ZNF704: variants seen among roughly 807,000 people sequenced by gnomAD.
ZNF704 encodes glucocorticoid induced gene 1.
ZNF704 carries 10 observed loss-of-function variants against 44.7 expected under a neutral mutation model. The observed-to-expected ratio is 0.22, with a 90% CI of 0.14 to 0.38. The LOEUF (loss-of-function observed/expected upper bound fraction) is 0.38. Ranked by LOEUF, ZNF704 falls within the 10% of genes least tolerant of loss-of-function variation. The pLI is 1.00. For synonymous variants in ZNF704, 211 were observed against 207.6 expected, an observed-to-expected ratio of 1.02 and a Z score of -0.14; for missense variants, 390 against 545.5, an observed-to-expected ratio of 0.71 and a Z score of 2.84.
At chr8:80,649,822 T>C (rs1817887973) in intron 7 of ZNF704, among the ~76,000 whole-genome samples, 1 of 152,198 alleles carries the variant, frequency 6.6e-6, no homozygotes, top group South Asian at 2.1e-4. Flanking sequence ...GCAGTGATTC[T>C]CCCAGCACGC....
chr8:80,742,323 CAT>C (rs889410313), intron 2 of ZNF704, among the ~76,000 whole-genome samples: 4 of 152,178 alleles, frequency 2.6e-5, no homozygotes, highest in Non-Finnish European at 5.9e-5. Flanking sequence ...CTCACGAGGA[CAT>C]AGTTTCCTCC....
intron 1 of ZNF704, among the ~76,000 whole-genome samples, chr8:80,866,716 G>A (rs867673652): frequency 1.2e-4 from 18 of 149,348 alleles, no homozygotes; most frequent in African/African-American, 4.4e-4. Flanking sequence ...CCCCTCTTGC[G>A]GGGTTGGGGG....
chr8:80,853,853 C>T (rs1305757416), intron 1 of ZNF704, among the ~76,000 whole-genome samples: 3 of 152,088 alleles, frequency 2.0e-5, no homozygotes, highest in South Asian at 2.1e-4. Flanking sequence ...AAGGGCAATG[C>T]TGATGGCCTG....
Position 80,634,787 on chromosome 8 carries a change from G to C in ZNF704, c.*6579C>G, listed in dbSNP as rs1215347526. The C allele has an allele frequency of 6.6e-6, 1 of 152,186 alleles. No homozygotes were observed. Among genetic ancestry groups the C allele is most frequent in the Admixed American group, 6.5e-5 (1 of 15,278 alleles). The allele number at this position is 152,186 out of a possible 1,614,324, so 9.4% of individuals were successfully genotyped here. A position where few individuals can be genotyped will look rare whatever the true frequency, so the allele number is the denominator to read the frequency against. On this transcript the variant is annotated 3_prime_UTR_variant, in exon 9 of 9. Coordinates refer to ENST00000327835, the MANE Select transcript of ZNF704 (RefSeq NM_001033723.3). The stretch of plus-strand genomic sequence containing the variant: ...TGGTCCTTCTGAGGCACTGACATTT[G>C]CAACCTCTCCTATATAGAATTAGGA...
intron 2 of ZNF704, among the ~76,000 whole-genome samples, chr8:80,811,253 A>T (rs1808076590): frequency 6.6e-6 from 1 of 152,200 alleles, no homozygotes; most frequent in African/African-American, 2.4e-5. Flanking sequence ...ATGACTTTTT[A>T]TATTGACATA....
chr8:80,814,509 G>A (rs186243786), intron 2 of ZNF704, among the ~76,000 whole-genome samples: 242 of 152,282 alleles, frequency 1.6e-3, no homozygotes, highest in Non-Finnish European at 2.7e-3. Context: ...CTGAATTACT[G>A]AAATGATGGG....
At chr8:80,681,968 C>A (rs550915195) in intron 4 of ZNF704, among the ~76,000 whole-genome samples, 4 of 152,326 alleles carry the variant, frequency 2.6e-5, no homozygotes, top group African/African-American at 7.2e-5. Flanking sequence ...CAGCTCCCTG[C>A]CCTGGCTGAC....
chr8:80,872,532 ACT>A lies in ZNF704; in HGVS notation c.-22+2037_-22+2038del, dbSNP rs1491501065. Among the ~76,000 whole-genome samples the A allele has an allele frequency of 9.2e-5, 14 of 151,964 alleles. No individual in the cohort carries two copies. The South Asian group carries it at 1.5e-3, about 16-fold the overall frequency. On this transcript the variant is annotated intron_variant, in intron 1 of 8. Coordinates refer to ENST00000327835, the MANE Select transcript of ZNF704 (RefSeq NM_001033723.3). Reference sequence around the variant, plus strand: ...CCTGAAATACCAATACCTTCTGAAAACTCTGGTAAAATGTTATTCAGCTGATT... The same window carrying A: ...CCTGAAATACCAATACCTTCTGAAAACTGGTAAAATGTTATTCAGCTGATT...
At chr8:80,667,191 G>C (rs1818208822) in intron 5 of ZNF704, among the ~76,000 whole-genome samples, 1 of 152,192 alleles carries the variant, frequency 6.6e-6, no homozygotes, top group Admixed American at 6.5e-5. Flanking sequence ...GGAGTGACGG[G>C]AGGAGTGAGA....
chr8:80,726,776 G>A (rs1281817130), intron 2 of ZNF704, among the ~76,000 whole-genome samples: 1 of 151,834 alleles, frequency 6.6e-6, no homozygotes, highest in South Asian at 2.1e-4. Flanking sequence ...TTCCTTGAAA[G>A]TACATCATCT....
At chr8:80,808,426 C>T (rs1005441597) in intron 2 of ZNF704, among the ~76,000 whole-genome samples, 3 of 152,206 alleles carry the variant, frequency 2.0e-5, no homozygotes, top group African/African-American at 7.2e-5. Flanking sequence ...TTTGTAGCAA[C>T]ATCAACTCCA....
chr8:80,736,712 G>A (rs1806672776), intron 2 of ZNF704, among the ~76,000 whole-genome samples: 1 of 152,132 alleles, frequency 6.6e-6, no homozygotes, highest in Admixed American at 6.6e-5. Flanking sequence ...TGGGAGGAGG[G>A]TAAGGGATAA....
intron 2 of ZNF704, chr8:80,749,709 C>T (rs1289774484): frequency 6.5e-6 from 1 of 153,086 alleles, no homozygotes; most frequent in East Asian, 1.9e-4. Flanking sequence ...TTTACTCACA[C>T]TTTTAATGCA....
Position 80,643,076 on chromosome 8 carries a change from G to C in ZNF704, c.1086C>G (p.His362Gln). 1 of 1,605,606 alleles carries C rather than the reference G, an allele frequency of 6.2e-7. No individual in the cohort carries two copies. Among genetic ancestry groups the C allele is most frequent in the Non-Finnish European group, 8.5e-7 (1 of 1,176,082 alleles). Reference sequence around the variant, plus strand: ...CTCTGGGTGGGGAGGACAGGACCGTGTGCGCATGCTGTCTCTGCTCTCCTG... The same window carrying C: ...CTCTGGGTGGGGAGGACAGGACCGTCTGCGCATGCTGTCTCTGCTCTCCTG... ...VGTGEQRQHA[H>Q]TVLSSPPRGT... The change falls in exon 8 of 9, where the codon CAC (histidine) becomes CAG (glutamine). Residue 362 changes from histidine (H) to glutamine (Q), a missense_variant. Around this residue, in one of 3 missense-constraint regions of ZNF704, gnomAD observed 305 missense variants for 435.7 expected, o/e 0.70. Transcript: ENST00000327835.
At chr8:80,763,148 G>C (rs530370266) in intron 2 of ZNF704, among the ~76,000 whole-genome samples, 1 of 152,292 alleles carries the variant, frequency 6.6e-6, no homozygotes, top group East Asian at 1.9e-4. Context: ...CCAGCTGTTG[G>C]TGGATCTACC....
chr8:80,808,282 GT>G (rs914457673), intron 2 of ZNF704, among the ~76,000 whole-genome samples: 2 of 152,130 alleles, frequency 1.3e-5, no homozygotes, highest in Admixed American at 6.6e-5. Flanking sequence ...TAGAAAGATT[GT>G]TTTTTTCAGT....
intron 1 of ZNF704, among the ~76,000 whole-genome samples, chr8:80,833,763 T>C (rs933617906): frequency 6.6e-6 from 1 of 152,158 alleles, no homozygotes; most frequent in Non-Finnish European, 1.5e-5. Context: ...CCTATGTACA[T>C]GGTAAATCAA....
intron 1 of ZNF704, among the ~76,000 whole-genome samples, chr8:80,860,293 T>C (rs776007371): frequency 1.3e-5 from 2 of 152,176 alleles, no homozygotes; most frequent in African/African-American, 4.8e-5. Flanking sequence ...ACCTACCTCA[T>C]TGACCGCTGT....
intron 1 of ZNF704, among the ~76,000 whole-genome samples, chr8:80,852,790 T>C (rs1273808163): frequency 6.6e-6 from 1 of 152,190 alleles, no homozygotes; most frequent in East Asian, 1.9e-4. Flanking sequence ...GGGCAATAGA[T>C]TTATGTTTCT....
Sources: allele counts gnomAD v4.1 joint callset (sites outside exome capture counted in the v4.1 genomes callset), GRCh38; gene constraint gnomAD v4.1.1; regional missense constraint gnomAD v4.1.1; transcripts MANE v1.5; gene names NCBI Gene and HGNC (gene_info 2026-07-23, HGNC 2026-07-21).